Variants in PLPP4 observed in about 807,000 individuals in gnomAD.
The protein encoded by PLPP4 is phospholipid phosphatase 4, also known as diacylglycerol pyrophosphate like 2.
In PLPP4, 20 loss-of-function variants were observed where a neutral mutation model predicts 32.2. The observed-to-expected ratio is 0.62, with a 90% CI of 0.44 to 0.90. The LOEUF is 0.90. PLPP4 is among the 40% of genes least tolerant of loss of function. The pLI, the probability that PLPP4 is intolerant of heterozygous loss-of-function variation, is 0.00. For missense variants in PLPP4, 257 were observed against 353.1 expected (o/e 0.73, Z 2.18); for synonymous variants, 127 against 133.0 (o/e 0.95, Z 0.31).
intron 6 of PLPP4, among the ~76,000 whole-genome samples, chr10:120,582,932 G>A (rs1326830123): frequency 6.6e-6 from 1 of 151,850 alleles, no homozygotes; most frequent in Non-Finnish European, 1.5e-5. Context: ...CTGTACCAGG[G>A]CTATTTTGCA....
At chr10:120,523,092 T>TG (rs1467350086) in intron 5 of PLPP4, among the ~76,000 whole-genome samples, 2 of 152,054 alleles carry the variant, frequency 1.3e-5, no homozygotes, top group African/African-American at 4.8e-5. Context: ...GGTCAGGAGA[T>TG]GAAGACCATC....
chr10:120,552,060 G>A (rs1847926250), intron 5 of PLPP4, among the ~76,000 whole-genome samples: 1 of 152,046 alleles, frequency 6.6e-6, no homozygotes, highest in African/African-American at 2.4e-5. Flanking sequence ...ACTTGTAGCA[G>A]GAACTGAGTA....
intron 5 of PLPP4, among the ~76,000 whole-genome samples, chr10:120,572,141 G>A (rs1179929638): frequency 2.0e-5 from 3 of 152,190 alleles, no homozygotes; most frequent in Non-Finnish European, 4.4e-5. Context: ...CAACATTTTG[G>A]AGGGGTCACA....
chr10:120,571,991 T>G (rs564258947), intron 5 of PLPP4, among the ~76,000 whole-genome samples: 9 of 152,296 alleles, frequency 5.9e-5, no homozygotes, highest in African/African-American at 2.2e-4. Flanking sequence ...ACAGTGAAGT[T>G]TAAAAAAAAT....
rs1391999220 is a variant in PLPP4 at position 120,486,258 on chromosome 10, TTAAG to T, written c.57-17558_57-17555del. Reference sequence around the variant, plus strand: ...GTGAGAGGCTTTCCTCCCATTTCATTTAAGTTTTTTTTTTTTTCCTCCTCAAATG... The same window carrying T: ...GTGAGAGGCTTTCCTCCCATTTCATTTTTTTTTTTTTTTCCTCCTCAAATG... On this transcript the variant is annotated intron_variant, in intron 1 of 6. Transcript: ENST00000398250. 2.2e-4 allele frequency among the ~76,000 whole-genome samples: 10 copies of T among 45,130 alleles called. No individual in the cohort carries two copies. The East Asian group carries it at 0.012, about 54-fold the overall frequency. The allele number at this position is 45,130 out of a possible 152,430, so 29.6% of individuals were successfully genotyped here.
At chr10:120,515,121 AC>A (rs1845884823) in intron 3 of PLPP4, among the ~76,000 whole-genome samples, 1 of 152,116 alleles carries the variant, frequency 6.6e-6, no homozygotes, top group South Asian at 2.1e-4. Flanking sequence ...TCTACTTGAA[AC>A]GAACAGAATC....
intron 1 of PLPP4, among the ~76,000 whole-genome samples, chr10:120,498,716 A>G (rs1371732558): frequency 6.7e-6 from 1 of 149,164 alleles, no homozygotes; most frequent in Non-Finnish European, 1.5e-5. Flanking sequence ...GCTGGAGTGC[A>G]GTGGTATGAT....
intron 1 of PLPP4, among the ~76,000 whole-genome samples, chr10:120,496,907 G>A (rs1460208471): frequency 1.1e-5 from 1 of 88,512 alleles, no homozygotes; most frequent in Non-Finnish European, 2.5e-5. Context: ...GAGAGAGAAT[G>A]TGTGAGTGTG....
At chr10:120,478,571 A>G (rs568052977) in intron 1 of PLPP4, among the ~76,000 whole-genome samples, 16 of 152,354 alleles carry the variant, frequency 1.1e-4, no homozygotes, top group South Asian at 8.3e-4. Context: ...ACCCAGAGAA[A>G]ACCACAGTTA....
chr10:120,554,647 C>T (rs566943832), intron 5 of PLPP4, among the ~76,000 whole-genome samples: 39 of 108,170 alleles, frequency 3.6e-4, no homozygotes, highest in African/African-American at 1.4e-3. Flanking sequence ...CACAGTTCTG[C>T]AGGCTGTACA....
At chr10:120,523,950 C>T (rs1048988807) in intron 5 of PLPP4, among the ~76,000 whole-genome samples, 18 of 152,142 alleles carry the variant, frequency 1.2e-4, no homozygotes, top group Non-Finnish European at 2.2e-4. Context: ...ATTTCAGATG[C>T]GCACCCTCCC....
chr10:120,519,437 G>A (rs1846063466), intron 4 of PLPP4, among the ~76,000 whole-genome samples: 1 of 151,540 alleles, frequency 6.6e-6, no homozygotes, highest in Non-Finnish European at 1.5e-5. Flanking sequence ...ACTCTAGCTG[G>A]CTGTTGGCCT....
intron 1 of PLPP4, chr10:120,503,517 T>C: frequency 6.3e-7 from 1 of 1,579,976 alleles, no homozygotes; most frequent in Non-Finnish European, 8.6e-7. Flanking sequence ...CTGACTTCAG[T>C]TTCCAGTTTA....
chr10:120,456,990 G>T, upstream of PLPP4: 1 of 157,112 alleles, frequency 6.4e-6, no homozygotes, highest in South Asian at 1.8e-4. The surrounding 1 kb of genome is among the most constrained non-coding windows in gnomAD (Gnocchi z 4.1). Context: ...TGCCCGGCGC[G>T]GGCCCAGGAG....
At chr10:120,568,272 C>T (rs759693519) in intron 5 of PLPP4, among the ~76,000 whole-genome samples, 44 of 152,370 alleles carry the variant, frequency 2.9e-4, no homozygotes, top group Non-Finnish European at 5.4e-4. Context: ...TTTATATTCC[C>T]TTCCTGTGCT....
At chr10:120,586,226 C>G (rs1372319969) in intron 6 of PLPP4, among the ~76,000 whole-genome samples, 1 of 151,556 alleles carries the variant, frequency 6.6e-6, no homozygotes, top group African/African-American at 2.4e-5. Flanking sequence ...CCTCCACCTC[C>G]CGGGTTCAAG....
chr10:120,518,827 T>G lies in PLPP4; in HGVS notation c.257-6T>G. On this transcript the variant is annotated splice_polypyrimidine_tract_variant and splice_region_variant and intron_variant, in intron 3 of 6. Transcript: ENST00000398250. ...TATTTTTCTGTCTGTTGGTTTTGTT[T>G]TGTAGCGGTGTCCTTGGCTCTTGCT... The G allele has an allele frequency of 6.2e-7, 1 of 1,611,250 alleles. No homozygotes were observed. Among genetic ancestry groups the G allele is most frequent in the Non-Finnish European group, 8.5e-7 (1 of 1,178,528 alleles).
intron 6 of PLPP4, among the ~76,000 whole-genome samples, chr10:120,586,299 A>ATTTT (rs3067612): frequency 2.2e-5 from 3 of 137,560 alleles, no homozygotes; most frequent in East Asian, 2.2e-4. Context: ...ACACCTGGCT[A>ATTTT]TTTTTTTTTT....
chr10:120,534,211 A>G (rs889907932), intron 5 of PLPP4, among the ~76,000 whole-genome samples: 3 of 150,978 alleles, frequency 2.0e-5, no homozygotes, highest in African/African-American at 2.4e-5. Context: ...TTTTGCCTAC[A>G]TATTTGAACA....
Sources: gnomAD v4.1 joint callset for allele counts (sites outside exome capture counted in the v4.1 genomes callset) on GRCh38, gnomAD v4.1.1 for gene constraint, Gnocchi (gnomAD v3.1) non-coding constraint, MANE v1.5 for transcripts, NCBI Gene and HGNC (gene_info 2026-07-23, HGNC 2026-07-21) for gene names.